Variants in SLC4A5 observed in about 807,000 individuals in gnomAD.
SLC4A5 encodes the protein electrogenic sodium bicarbonate cotransporter 4.
In SLC4A5, 96 loss-of-function variants were observed where a neutral mutation model predicts 120.4. The observed-to-expected ratio is 0.80, with a 90% CI of 0.68 to 0.94. The LOEUF (loss-of-function observed/expected upper bound fraction) is 0.94, where lower values mean the gene tolerates loss of function less well. SLC4A5 is among the 40% of genes least tolerant of loss of function. The probability of loss-of-function intolerance (pLI) is 0.00; values close to 1 mark genes in which losing one functional copy is unlikely to be tolerated. For missense variants in SLC4A5, 1,259 were observed against 1,459.5 expected (o/e 0.86, Z 2.24); for synonymous variants, 550 against 571.1 (o/e 0.96, Z 0.53).
At chr2:74,337,033 C>G (rs1311149517) in intron 3 of SLC4A5, among the ~76,000 whole-genome samples, 3 of 152,214 alleles carry the variant, frequency 2.0e-5, no homozygotes, top group African/African-American at 7.2e-5. Flanking sequence ...TTCCCTGCCC[C>G]TCACTCATAT....
intron 12 of SLC4A5, among the ~76,000 whole-genome samples, chr2:74,256,339 A>G (rs1165970494): frequency 1.3e-5 from 2 of 152,110 alleles, no homozygotes; most frequent in Non-Finnish European, 1.5e-5. Context: ...CTCCACCTTC[A>G]CTTTTGGTAG....
chr2:74,233,742 G>A (rs1473124415), intron 22 of SLC4A5, among the ~76,000 whole-genome samples, 179 bp from the exon 23 acceptor site: 1 of 152,188 alleles, frequency 6.6e-6, no homozygotes, highest in Non-Finnish European at 1.5e-5. Flanking sequence ...GACATGGGAA[G>A]GAGCATGCAT....
At chr2:74,302,649 C>T (rs1014308368) in intron 7 of SLC4A5, among the ~76,000 whole-genome samples, 2 of 152,218 alleles carry the variant, frequency 1.3e-5, no homozygotes, top group African/African-American at 4.8e-5. Flanking sequence ...GTTCTACATT[C>T]TTTTTCCTTT....
intron 21 of SLC4A5, among the ~76,000 whole-genome samples, chr2:74,236,309 C>T (rs993983992): frequency 2.6e-5 from 4 of 152,186 alleles, no homozygotes; most frequent in Non-Finnish European, 5.9e-5. Context: ...TATTCCTAAT[C>T]TTTGATAGTT....
At chr2:74,318,478 G>A (rs1673020289) in intron 5 of SLC4A5, among the ~76,000 whole-genome samples, 1 of 152,118 alleles carries the variant, frequency 6.6e-6, no homozygotes, top group African/African-American at 2.4e-5. Context: ...CTGAGGTCAG[G>A]AGTTCAAGAC....
intron 4 of SLC4A5, among the ~76,000 whole-genome samples, chr2:74,330,033 G>A: frequency 6.6e-6 from 1 of 151,858 alleles, no homozygotes; most frequent in East Asian, 1.9e-4. Context: ...GGGTGGTGAG[G>A]TGTAGATGGT....
chr2:74,234,075 A>C (rs896489889), intron 22 of SLC4A5, among the ~76,000 whole-genome samples: 2 of 149,718 alleles, frequency 1.3e-5, no homozygotes, highest in Non-Finnish European at 3.0e-5. Context: ...AAACAAACAA[A>C]CAACAACAAA....
At chr2:74,220,841 CTTT>C (rs60945273) in intron 30 of SLC4A5, among the ~76,000 whole-genome samples, 10 of 117,442 alleles carry the variant, frequency 8.5e-5, no homozygotes, top group Non-Finnish European at 1.0e-4. Flanking sequence ...TATTTCCTTT[CTTT>C]TTTTTTTTTT....
intron 7 of SLC4A5, among the ~76,000 whole-genome samples, chr2:74,301,538 A>T (rs1672476018): frequency 6.6e-6 from 1 of 152,236 alleles, no homozygotes; most frequent in Admixed American, 6.5e-5. Context: ...AACAGACAGG[A>T]CACTCAGAGA....
intron 7 of SLC4A5, among the ~76,000 whole-genome samples, chr2:74,296,258 T>A (rs952675214): frequency 6.6e-6 from 1 of 152,094 alleles, no homozygotes. Flanking sequence ...AGAAACAGAC[T>A]TCCTTGAGGT....
intron 8 of SLC4A5, among the ~76,000 whole-genome samples, chr2:74,270,877 T>C (rs1441677742): frequency 6.6e-6 from 1 of 152,146 alleles, no homozygotes; most frequent in African/African-American, 2.4e-5. Context: ...CACATGGATC[T>C]GATTCTCATT....
chr2:74,290,437 AAGAG>A (rs761052503), intron 7 of SLC4A5: 53 of 985,470 alleles, frequency 5.4e-5, no homozygotes, highest in Non-Finnish European at 6.0e-5. Context: ...AGGGGAGAAA[AAGAG>A]AGAGAGAAAA....
At chr2:74,291,677 C>T (rs1672177172) in intron 7 of SLC4A5, among the ~76,000 whole-genome samples, 1 of 152,214 alleles carries the variant, frequency 6.6e-6, no homozygotes, top group South Asian at 2.1e-4. Flanking sequence ...CTATGTTTTG[C>T]AAGGCTGGTT....
chr2:74,280,171 C>T (rs1392881510), intron 8 of SLC4A5, among the ~76,000 whole-genome samples: 1 of 152,140 alleles, frequency 6.6e-6, no homozygotes, highest in African/African-American at 2.4e-5. Flanking sequence ...ACAGTCCAGC[C>T]ACAGGAAACC....
At chr2:74,234,003 T>A (rs1670185443) in intron 22 of SLC4A5, among the ~76,000 whole-genome samples, 1 of 152,042 alleles carries the variant, frequency 6.6e-6, no homozygotes, top group Admixed American at 6.6e-5. Flanking sequence ...ATGCTGAACA[T>A]CAGTTCAGTC....
intron 8 of SLC4A5, among the ~76,000 whole-genome samples, chr2:74,272,015 G>A (rs546382547): frequency 1.3e-5 from 2 of 152,230 alleles, no homozygotes; most frequent in East Asian, 3.9e-4. Context: ...GGAGTTTGAG[G>A]CTGCAGTGAG....
chr2:74,223,564 A>G lies in SLC4A5; in HGVS notation c.3247-612T>C, dbSNP rs1000698516. Among the ~76,000 whole-genome samples, 4 of 152,252 alleles carry G rather than the reference A, an allele frequency of 2.6e-5. 1 individual carries two copies. In the South Asian group the frequency reaches 6.2e-4, roughly 24 times the overall value. Reference sequence around the variant, plus strand: ...AACCTCACACAACAACTGTGTTGCTATAAGACAAGTAAAATGAATTTGTAT... The same window carrying G: ...AACCTCACACAACAACTGTGTTGCTGTAAGACAAGTAAAATGAATTTGTAT... On this transcript the variant is annotated intron_variant, in intron 28 of 30. Coordinates refer to ENST00000394019, the Ensembl canonical transcript of SLC4A5.
chr2:74,294,101 G>A (rs1318303780), intron 7 of SLC4A5, among the ~76,000 whole-genome samples: 2 of 152,208 alleles, frequency 1.3e-5, no homozygotes, highest in Non-Finnish European at 2.9e-5. Context: ...CCCCAAAAGT[G>A]CTTGTGGATG....
At chr2:74,290,619 A>AAGAGAGAGAGAGAGAGAG (rs1573067714) in intron 7 of SLC4A5, 3 of 910,570 alleles carry the variant, frequency 3.3e-6, no homozygotes, top group Admixed American at 8.6e-5. Flanking sequence ...AGAGACAGAG[A>AAGAGAGAGAGAGAGAGAG]AGTGAGAGAG....
Sources: gnomAD v4.1 joint callset for allele counts (sites outside exome capture counted in the v4.1 genomes callset) on GRCh38, gnomAD v4.1.1 for gene constraint, MANE v1.5 for transcripts, NCBI Gene and HGNC (gene_info 2026-07-23, HGNC 2026-07-21) for gene names.